PTPN1: variants seen among roughly 807,000 people sequenced by gnomAD.
The protein encoded by PTPN1 is protein tyrosine phosphatase non-receptor type 1.
PTPN1 carries 12 observed loss-of-function variants against 59.9 expected under a neutral mutation model. That is an observed-to-expected ratio of 0.20 (90% confidence interval 0.13 to 0.32). The LOEUF (loss-of-function observed/expected upper bound fraction) is 0.32, where lower values mean the gene tolerates loss of function less well. Ranked by LOEUF, PTPN1 falls within the 10% of genes least tolerant of loss-of-function variation. The pLI, the probability that PTPN1 is intolerant of heterozygous loss-of-function variation, is 1.00. For missense variants in PTPN1, 356 were observed against 549.2 expected (o/e 0.65, Z 3.52); for synonymous variants, 178 against 203.6 (o/e 0.87, Z 1.07).
At chr20:50,520,268 G>A (rs564386893) in intron 1 of PTPN1, among the ~76,000 whole-genome samples, 2 of 151,834 alleles carry the variant, frequency 1.3e-5, no homozygotes, top group African/African-American at 4.8e-5. Flanking sequence ...CTACTCAGGA[G>A]GCTGAGGCAG....
At chr20:50,549,333 G>GT (rs1252359826) in intron 1 of PTPN1, among the ~76,000 whole-genome samples, 1 of 152,196 alleles carries the variant, frequency 6.6e-6, no homozygotes, top group East Asian at 1.9e-4. Context: ...CTCCATGCCA[G>GT]TTTCACGAAG....
At chr20:50,529,709 A>G (rs1173421082) in intron 1 of PTPN1, among the ~76,000 whole-genome samples, 1 of 152,150 alleles carries the variant, frequency 6.6e-6, no homozygotes, top group African/African-American at 2.4e-5. Flanking sequence ...AATGAATGGT[A>G]TTAATTGAAT....
intron 1 of PTPN1, among the ~76,000 whole-genome samples, chr20:50,520,244 G>T (rs957008236): frequency 6.6e-6 from 1 of 152,044 alleles, no homozygotes; most frequent in African/African-American, 2.4e-5. Flanking sequence ...GGTGGTACAT[G>T]CCTGTAATCC....
At chr20:50,552,919 A>C (rs2082709450) in intron 1 of PTPN1, among the ~76,000 whole-genome samples, 1 of 152,040 alleles carries the variant, frequency 6.6e-6, no homozygotes, top group South Asian at 2.1e-4. Context: ...TTCCAGTGTC[A>C]CTTTTACTGG....
chr20:50,584,869 C>T lies in PTPN1; in HGVS notation c.*2154C>T, dbSNP rs1230647582. ...ATGTGAAACAGATGTTGTCAATCAG[C>T]TGGGGTTAGAGTTTTCCACTTCTAA... On this transcript the variant is annotated 3_prime_UTR_variant, in exon 10 of 10. Transcript: ENST00000371621. The T allele has an allele frequency of 6.6e-6, 1 of 152,188 alleles. No homozygotes were observed. The highest frequency in any genetic ancestry group is 1.5e-5 in the Non-Finnish European group (1 of 68,038). 9.4% of individuals were successfully genotyped at this position (152,188 alleles called of 1,614,324 possible).
intron 1 of PTPN1, among the ~76,000 whole-genome samples, chr20:50,524,413 C>A (rs995795639): frequency 1.3e-5 from 2 of 151,922 alleles, no homozygotes; most frequent in Non-Finnish European, 2.9e-5. Context: ...TTAAAAGAAT[C>A]TTCAAGTTTT....
intron 1 of PTPN1, among the ~76,000 whole-genome samples, chr20:50,521,388 A>G (rs1486005036): frequency 9.9e-5 from 15 of 152,240 alleles, no homozygotes; most frequent in South Asian, 4.1e-4. Context: ...TTTACATGCA[A>G]TGCTGTTTAT....
chr20:50,536,040 G>A (rs1389743373), intron 1 of PTPN1, among the ~76,000 whole-genome samples: 1 of 152,146 alleles, frequency 6.6e-6, no homozygotes, highest in Non-Finnish European at 1.5e-5. Context: ...TTTAAGGTAT[G>A]TTTTCCTGAG....
rs2082871801 is a variant in PTPN1 at position 50,582,129 on chromosome 20, C to T, written c.1285-563C>T. The stretch of plus-strand genomic sequence containing the variant: ...CTGCCTCTGCTTCTGCTCAGGGTGT[C>T]CCCGCTGGGTTTCCATTGTCCTTTC... On this transcript the variant is annotated intron_variant, in intron 9 of 9. Transcript: ENST00000371621. The surrounding 1 kb of genome is among the most constrained non-coding windows in gnomAD (Gnocchi z 4.2). Among the ~76,000 whole-genome samples, 1 of 152,240 alleles carries T rather than the reference C, an allele frequency of 6.6e-6. No homozygotes were observed. The highest frequency in any genetic ancestry group is 2.4e-5 in the African/African-American group (1 of 41,462).
chr20:50,559,030 A>AT (rs35277786), intron 1 of PTPN1, among the ~76,000 whole-genome samples: 32,872 of 119,444 alleles, frequency 0.28, 5,192 homozygotes, highest in African/African-American at 0.31. Context: ...ACGTCAGGGA[A>AT]TTTTTTTTTT....
At chr20:50,546,472 TTCCTTCTTCA>T (rs1439166698) in intron 1 of PTPN1, among the ~76,000 whole-genome samples, 1 of 152,230 alleles carries the variant, frequency 6.6e-6, no homozygotes, top group Non-Finnish European at 1.5e-5. Flanking sequence ...TTATTCTTTG[TTCCTTCTTCA>T]TCCTTACCCC....
At chr20:50,519,226 C>T (rs2082541190) in intron 1 of PTPN1, among the ~76,000 whole-genome samples, 1 of 152,168 alleles carries the variant, frequency 6.6e-6, no homozygotes, top group East Asian at 1.9e-4. Flanking sequence ...CATCCTTAAC[C>T]ACTTGTTTTC....
chr20:50,546,665 C>T (rs1470690195), intron 1 of PTPN1, among the ~76,000 whole-genome samples: 1 of 152,052 alleles, frequency 6.6e-6, no homozygotes, highest in Non-Finnish European at 1.5e-5. Flanking sequence ...TTCTATTTTC[C>T]TCCCATTCAC....
chr20:50,537,313 G>T (rs149454754), intron 1 of PTPN1, among the ~76,000 whole-genome samples: 1 of 152,094 alleles, frequency 6.6e-6, no homozygotes, highest in African/African-American at 2.4e-5. Context: ...ACAAGAGCAA[G>T]ACTGCATCTC....
chr20:50,526,917 G>A (rs1297187111), intron 1 of PTPN1, among the ~76,000 whole-genome samples: 1 of 152,020 alleles, frequency 6.6e-6, no homozygotes, highest in Non-Finnish European at 1.5e-5. Context: ...AAATCCCCCA[G>A]TATTGAGCCC....
At chr20:50,567,936 G>C (rs2082786866) in intron 3 of PTPN1, among the ~76,000 whole-genome samples, 2 of 152,226 alleles carry the variant, frequency 1.3e-5, no homozygotes, top group Admixed American at 6.5e-5. Context: ...AACTGGGGCA[G>C]GGAGCGATGA....
At chr20:50,574,935 A>G in intron 5 of PTPN1, 1 of 365,332 alleles carries the variant, frequency 2.7e-6, no homozygotes. Flanking sequence ...CTGCTTGTGC[A>G]GCTGCAGAGG....
intron 1 of PTPN1, among the ~76,000 whole-genome samples, chr20:50,521,367 G>A (rs1241105317): frequency 6.6e-6 from 1 of 152,244 alleles, no homozygotes; most frequent in Non-Finnish European, 1.5e-5. Flanking sequence ...CTCAGGCACT[G>A]TGCAAAGTCC....
rs2082653733 is a variant in PTPN1, at chr20:50,541,757, A to G, written c.64-19606A>G. ...CATTGCTGAGGTTTCCTTTGAAGCA[A>G]CAGTGCCGGAACAGACTAGGGGAAG... On this transcript the variant is annotated intron_variant, in intron 1 of 9. Coordinates refer to ENST00000371621, the MANE Select transcript of PTPN1 (RefSeq NM_002827.4). Among the ~76,000 whole-genome samples, 3 of 152,116 alleles carry G rather than the reference A, an allele frequency of 2.0e-5. No homozygotes were observed. In the South Asian group the frequency reaches 6.2e-4, roughly 32 times the overall value.
Sources: gnomAD v4.1 joint callset for allele counts (sites outside exome capture counted in the v4.1 genomes callset) on GRCh38, gnomAD v4.1.1 for gene constraint, Gnocchi (gnomAD v3.1) non-coding constraint, MANE v1.5 for transcripts, NCBI Gene and HGNC (gene_info 2026-07-23, HGNC 2026-07-21) for gene names.